Variants in NAA40 observed in about 807,000 individuals in gnomAD.
The protein encoded by NAA40 is N-alpha-acetyltransferase 40, NatD catalytic subunit.
NAA40 carries 26 observed loss-of-function variants against 36.6 expected under a neutral mutation model. The ratio of observed to expected loss-of-function variants is 0.71; its 90% CI spans 0.52 to 0.98. The LOEUF is 0.98. Among genes scored for constraint, NAA40 ranks in the 50% least tolerant of loss-of-function variants. The pLI, the probability that NAA40 is intolerant of heterozygous loss-of-function variation, is 0.00. For synonymous variants in NAA40, 129 were observed against 108.4 expected, an observed-to-expected ratio of 1.19 and a Z score of -1.18; for missense variants, 237 against 306.5, an observed-to-expected ratio of 0.77 and a Z score of 1.69.
intron 1 of NAA40, among the ~76,000 whole-genome samples, chr11:63,944,239 C>T (rs907666205): frequency 2.0e-5 from 3 of 152,150 alleles, no homozygotes; most frequent in African/African-American, 7.2e-5. Context: ...GAAGGTTAAT[C>T]GCTCTGAGTG....
At chr11:63,946,575 G>T in intron 2 of NAA40, 1 of 1,219,594 alleles carries the variant, frequency 8.2e-7, no homozygotes, top group Admixed American at 3.7e-5. Context: ...TCATTTATAA[G>T]GATGTGGCTC....
intron 1 of NAA40, 136 bp from the exon 2 acceptor site, chr11:63,945,704 G>T: frequency 1.3e-6 from 1 of 752,018 alleles, no homozygotes; most frequent in South Asian, 1.6e-5. Flanking sequence ...CCCTCCAAAT[G>T]TGTGGCAGCA....
chr11:63,940,650 G>T (rs1424144267), intron 1 of NAA40, among the ~76,000 whole-genome samples: 2 of 151,796 alleles, frequency 1.3e-5, no homozygotes, highest in Non-Finnish European at 2.9e-5. Flanking sequence ...ATGGATTTGT[G>T]CTATTTTTAA....
At chr11:63,943,856 C>A (rs926701630) in intron 1 of NAA40, among the ~76,000 whole-genome samples, 1 of 152,132 alleles carries the variant, frequency 6.6e-6, no homozygotes, top group African/African-American at 2.4e-5. Context: ...CAAGCTTTAT[C>A]TCTGTGTTGT....
At chr11:63,945,374 T>TC (rs1385720112) in intron 1 of NAA40, among the ~76,000 whole-genome samples, 1 of 152,074 alleles carries the variant, frequency 6.6e-6, no homozygotes, top group African/African-American at 2.4e-5. Context: ...GATCTTTGTC[T>TC]CCCAAAGCTG....
intron 1 of NAA40, among the ~76,000 whole-genome samples, chr11:63,940,494 C>T (rs1357942821): frequency 6.6e-6 from 1 of 152,174 alleles, no homozygotes; most frequent in South Asian, 2.1e-4. Context: ...ATTTCCTCAC[C>T]TCTGTAATTG....
In NAA40 at chr11:63,946,663, T is replaced by G. The variant is rs1026379809; in HGVS notation, c.103-288T>G. The G allele has an allele frequency of 3.5e-6, 5 of 1,410,348 alleles. No homozygotes were observed. In the African/African-American group the frequency reaches 5.7e-5, roughly 16 times the overall value. 87.4% of individuals were successfully genotyped at this position (1,410,348 alleles called of 1,614,324 possible). On this transcript the variant is annotated intron_variant, in intron 2 of 7. Transcript: ENST00000377793. ...AGATCAGGTAGCCTCTTCTTTGGGT[T>G]AGCTGTGCTGTGAGCAGGTTGTATG...
At chr11:63,949,933 A>G (rs568752309) in intron 3 of NAA40, among the ~76,000 whole-genome samples, 21 of 151,376 alleles carry the variant, frequency 1.4e-4, no homozygotes, top group Admixed American at 1.1e-3. Flanking sequence ...TTTAGTAGAG[A>G]TGGGGTTTCA....
intron 7 of NAA40, 23 bp from the exon 8 acceptor site, chr11:63,954,315 C>G: frequency 6.4e-7 from 1 of 1,569,054 alleles, no homozygotes. Flanking sequence ...GCCACCAACC[C>G]TTTTCTCCTG....
At chr11:63,942,726 T>C (rs895671804) in intron 1 of NAA40, among the ~76,000 whole-genome samples, 4 of 152,220 alleles carry the variant, frequency 2.6e-5, no homozygotes, top group African/African-American at 9.6e-5. Context: ...CTTTTCCTAG[T>C]GCGGCCCCTC....
At chr11:63,945,002 AGGGTGAGTGG>A in intron 1 of NAA40, among the ~76,000 whole-genome samples, 1 of 152,182 alleles carries the variant, frequency 6.6e-6, no homozygotes, top group African/African-American at 2.4e-5. Context: ...TTTTCACAAT[AGGGTGAGTGG>A]GTCTTAGGCC....
chr11:63,951,863 G>A (rs1380697631), intron 3 of NAA40, among the ~76,000 whole-genome samples: 3 of 152,192 alleles, frequency 2.0e-5, no homozygotes, highest in South Asian at 2.1e-4. Flanking sequence ...ATGCCTAAGG[G>A]CAGGAACTAA....
At chr11:63,945,611 G>A (rs1214826620) in intron 1 of NAA40, among the ~76,000 whole-genome samples, 2 of 152,162 alleles carry the variant, frequency 1.3e-5, no homozygotes, top group Non-Finnish European at 2.9e-5. Flanking sequence ...AGGACGGCCA[G>A]TGCTCTTTCT....
chr11:63,940,797 C>CA (rs1942096846), intron 1 of NAA40, among the ~76,000 whole-genome samples: 1 of 151,830 alleles, frequency 6.6e-6, no homozygotes, highest in Non-Finnish European at 1.5e-5. Context: ...CGTGTTTTAA[C>CA]AAATAGTTTT....
chr11:63,947,611 C>T (rs750722075), intron 3 of NAA40, among the ~76,000 whole-genome samples: 114 of 151,340 alleles, frequency 7.5e-4, no homozygotes, highest in Non-Finnish European at 1.3e-3. Flanking sequence ...AGTGCAGTGA[C>T]GCAATCTCGG....
At chr11:63,943,284 G>A (rs1942135528) in intron 1 of NAA40, among the ~76,000 whole-genome samples, 1 of 152,134 alleles carries the variant, frequency 6.6e-6, no homozygotes, top group South Asian at 2.1e-4. Flanking sequence ...TCCATCCGAC[G>A]CTTCTCTGTC....
rs1354451690 is a variant in NAA40, at chr11:63,955,079, G to A, written c.*600G>A. ...AGCTGTTTTTATGGATTCATGGAGT[G>A]GGCTCATGTTGGGACCAGCTGACTC... On this transcript the variant is annotated 3_prime_UTR_variant, in exon 8 of 8. Transcript: ENST00000377793. 1 of 152,554 alleles carries A rather than the reference G, an allele frequency of 6.6e-6. No individual in the cohort carries two copies. The highest frequency in any genetic ancestry group is 1.5e-5 in the Non-Finnish European group (1 of 68,044). 9.5% of individuals were successfully genotyped at this position (152,554 alleles called of 1,614,324 possible). A position where few individuals can be genotyped will look rare whatever the true frequency, so the allele number is the denominator to read the frequency against.
At position 63,954,376 on chromosome 11, in the gene NAA40, G is replaced by A. The variant is rs1208933802; in HGVS notation, c.611G>A (p.Cys204Tyr). ...GACTCTTCCCCCAGCATGTCCGGTTGCTGTGGGGAGGATTGCTCCTATGAG... is the reference window on the plus strand; with the variant it reads ...GACTCTTCCCCCAGCATGTCCGGTTACTGTGGGGAGGATTGCTCCTATGAG... Reference protein sequence around the residue: ...IDDSSPSMSGCCGEDCSYEIL... With the variant: ...IDDSSPSMSGYCGEDCSYEIL... The change falls in exon 8 of 8, where the codon TGC (cysteine) becomes TAC (tyrosine). Residue 204 changes from cysteine (C) to tyrosine (Y), a missense_variant. Physicochemically the swap from Cys to Tyr is radical, Grantham distance 194. Coordinates refer to ENST00000377793, the MANE Select transcript of NAA40 (RefSeq NM_024771.4). The A allele has an allele frequency of 2.5e-6, 4 of 1,611,160 alleles. No individual in the cohort carries two copies. In the Admixed American group the frequency reaches 6.7e-5, roughly 27 times the overall value.
At position 63,939,442 on chromosome 11, in the gene NAA40, C is replaced by T; in HGVS notation, c.6+340C>T. The stretch of plus-strand genomic sequence containing the variant: ...CCGCTCCCCCAGGGTCACTCATCAC[C>T]TGGCTGTCACCAGCTTCGTCGCTTT... On this transcript the variant is annotated intron_variant, in intron 1 of 7. Transcript: ENST00000377793. The T allele has an allele frequency of 3.6e-6, 4 of 1,100,922 alleles. No individual in the cohort carries two copies. In the African/African-American group the frequency reaches 4.9e-5, roughly 14 times the overall value. The allele number at this position is 1,100,922 out of a possible 1,614,324, so 68.2% of individuals were successfully genotyped here. A position where few individuals can be genotyped will look rare whatever the true frequency, so the allele number is the denominator to read the frequency against.
Sources: allele counts gnomAD v4.1 joint callset (sites outside exome capture counted in the v4.1 genomes callset), GRCh38; gene constraint gnomAD v4.1.1; transcripts MANE v1.5; gene names NCBI Gene and HGNC (gene_info 2026-07-23, HGNC 2026-07-21).